Variants in SLC39A14 observed in about 807,000 individuals in gnomAD.
SLC39A14 encodes solute carrier family 39 member 14.
Under a neutral mutation model 45.5 loss-of-function variants are expected in SLC39A14, and 19 were observed. The observed-to-expected ratio is 0.42, with a 90% CI of 0.29 to 0.61. SLC39A14 has a LOEUF of 0.61. SLC39A14 is among the 20% of genes least tolerant of loss of function. The probability of loss-of-function intolerance (pLI) is 0.22; values close to 1 mark genes in which losing one functional copy is unlikely to be tolerated. For synonymous variants in SLC39A14, 264 were observed against 251.3 expected, an observed-to-expected ratio of 1.05 and a Z score of -0.48; for missense variants, 447 against 616.5, an observed-to-expected ratio of 0.73 and a Z score of 2.91.
At chr8:22,396,764 GA>G (rs1463722150) in intron 1 of SLC39A14, among the ~76,000 whole-genome samples, 1 of 151,660 alleles carries the variant, frequency 6.6e-6, no homozygotes, top group East Asian at 1.9e-4. Context: ...AACTGAAGAG[GA>G]AAAAGACTTC....
intron 8 of SLC39A14, among the ~76,000 whole-genome samples, chr8:22,432,585 C>T (rs1159474205): frequency 6.6e-6 from 1 of 151,692 alleles, no homozygotes; most frequent in Non-Finnish European, 1.5e-5. Flanking sequence ...TCCAAGTGAT[C>T]CTCCTACCTC....
At chr8:22,389,477 G>A (rs1328496300) in intron 1 of SLC39A14, among the ~76,000 whole-genome samples, 1 of 152,110 alleles carries the variant, frequency 6.6e-6, no homozygotes, top group African/African-American at 2.4e-5. Flanking sequence ...GGGGTAGGCT[G>A]GGGGCAGGTG....
At chr8:22,392,179 C>T (rs1433688316) in intron 1 of SLC39A14, among the ~76,000 whole-genome samples, 1 of 152,182 alleles carries the variant, frequency 6.6e-6, no homozygotes, top group Non-Finnish European at 1.5e-5. Context: ...GGCAATTGAA[C>T]AGAACCAGAA....
Position 22,428,535 on chromosome 8 carries a change from C to T in SLC39A14, c.1333-5356C>T, listed in dbSNP as rs149210804. Among the ~76,000 whole-genome samples, 477 of 150,972 alleles carry T rather than the reference C, an allele frequency of 3.2e-3. 3 individuals are homozygous for T. Among genetic ancestry groups the T allele is most frequent in the African/African-American group, 0.011 (453 of 41,176 alleles). On this transcript the variant is annotated intron_variant, in intron 8 of 8. Transcript: ENST00000240095. ...TCAGCTCACTGCAACCTCTGCCTCC[C>T]GGGTTCAAGCGATTCTCCTGCCTCA...
rs73227843 is a variant in SLC39A14, at chr8:22,420,411, G to A, written c.*713G>A. 9.9e-3 allele frequency: 9,740 copies of A among 985,418 alleles called. 45 individuals carry two copies. The highest frequency in any genetic ancestry group is 0.011 in the Non-Finnish European group (9,189 of 829,940). 61.0% of individuals were successfully genotyped at this position (985,418 alleles called of 1,614,324 possible). On this transcript the variant is annotated 3_prime_UTR_variant, in exon 9 of 9. Coordinates refer to ENST00000381237, the MANE Select transcript of SLC39A14 (RefSeq NM_001128431.4). Reference sequence around the variant, plus strand: ...TTCACGGCTGTCCGAGTGAGCTAACGTGGCGGTGTGGCTGCCTGGACCTCC... The same window carrying A: ...TTCACGGCTGTCCGAGTGAGCTAACATGGCGGTGTGGCTGCCTGGACCTCC...
chr8:22,383,009 C>G (rs780605684), intron 1 of SLC39A14, among the ~76,000 whole-genome samples: 1 of 152,032 alleles, frequency 6.6e-6, no homozygotes, highest in South Asian at 2.1e-4. Flanking sequence ...TGAGTCACCG[C>G]GGCCGGTGGC....
intron 4 of SLC39A14, among the ~76,000 whole-genome samples, chr8:22,412,549 G>A (rs973672341): frequency 2.0e-5 from 3 of 152,200 alleles, no homozygotes; most frequent in South Asian, 2.1e-4. Context: ...TGCCTGGTGC[G>A]GAAAGTGCTG....
intron 8 of SLC39A14, among the ~76,000 whole-genome samples, chr8:22,419,337 C>T (rs1186595981): frequency 1.3e-5 from 2 of 152,126 alleles, no homozygotes; most frequent in East Asian, 3.9e-4. Context: ...GCCTGCGCCA[C>T]CACGCCCAGC....
rs896376 is a variant in SLC39A14 at position 22,404,629 on chromosome 8, G to A, written c.-15-67G>A. On this transcript the variant is annotated intron_variant, in intron 1 of 8. Coordinates refer to ENST00000381237, the MANE Select transcript of SLC39A14 (RefSeq NM_001128431.4). ...TCTCAACATGTTCAGTGTGTGGCGG[G>A]CGGGCCTGGCGCAGTTGCCGGCACA... The A allele has an allele frequency of 0.2, 299,153 of 1,466,832 alleles. 37,682 individuals are homozygous for A. The highest frequency in any genetic ancestry group is 0.63 in the African/African-American group (44,477 of 70,972). The allele number at this position is 1,466,832 out of a possible 1,614,324, so 90.9% of individuals were successfully genotyped here. A position where few individuals can be genotyped will look rare whatever the true frequency, so the allele number is the denominator to read the frequency against.
In SLC39A14 at chr8:22,367,295, G is replaced by A. The variant is rs1472837579; in HGVS notation, c.-129G>A. ...GTGCCGGGGCCCGGACGCAGTGAGG[G>A]GGGTCGGCGCGCGTGTCTACGCGGA... On this transcript the variant is annotated 5_prime_UTR_variant, in exon 1 of 9. Coordinates refer to ENST00000381237, the MANE Select transcript of SLC39A14 (RefSeq NM_001128431.4). The surrounding 1 kb of genome is among the most constrained non-coding windows in gnomAD (Gnocchi z 4.2). The A allele has an allele frequency of 1.3e-5, 2 of 151,708 alleles. No individual in the cohort carries two copies. Among genetic ancestry groups the A allele is most frequent in the South Asian group, 2.1e-4 (1 of 4,836 alleles). 9.4% of individuals were successfully genotyped at this position (151,708 alleles called of 1,614,324 possible). A position where few individuals can be genotyped will look rare whatever the true frequency, so the allele number is the denominator to read the frequency against.
intron 1 of SLC39A14, among the ~76,000 whole-genome samples, chr8:22,375,041 T>A (rs1232768079): frequency 6.6e-6 from 1 of 151,208 alleles, no homozygotes; most frequent in Non-Finnish European, 1.5e-5. Context: ...CCACCGCGCC[T>A]GGCCAGCCTG....
intron 1 of SLC39A14, among the ~76,000 whole-genome samples, chr8:22,371,314 C>T (rs1405796489): frequency 6.6e-6 from 1 of 151,746 alleles, no homozygotes; most frequent in African/African-American, 2.4e-5. Flanking sequence ...ACATTTATTA[C>T]CGCCGAGTTC....
intron 8 of SLC39A14, among the ~76,000 whole-genome samples, chr8:22,427,835 T>C (rs1836409994): frequency 6.6e-6 from 1 of 152,200 alleles, no homozygotes; most frequent in African/African-American, 2.4e-5. Context: ...GATTTTTCAG[T>C]ATACATGATT....
intron 2 of SLC39A14, among the ~76,000 whole-genome samples, chr8:22,406,452 G>A (rs1835217200): frequency 6.6e-6 from 1 of 152,198 alleles, no homozygotes; most frequent in Non-Finnish European, 1.5e-5. Context: ...CCAGCACTTT[G>A]GGAGGCTGAG....
At chr8:22,424,864 A>C (rs1233609469), downstream of SLC39A14, among the ~76,000 whole-genome samples, 2 of 151,886 alleles carry the variant, frequency 1.3e-5, no homozygotes, top group African/African-American at 4.8e-5. Flanking sequence ...CCCTATCTCT[A>C]CTAAAAATAC....
chr8:22,408,231 G>C, intron 2 of SLC39A14, 79 bp from the exon 3 acceptor site: 2 of 1,274,206 alleles, frequency 1.6e-6, no homozygotes, highest in Non-Finnish European at 2.2e-6. Flanking sequence ...CCTCTGGGAA[G>C]GCTGAGTAGG....
intron 7 of SLC39A14, among the ~76,000 whole-genome samples, chr8:22,416,560 G>T (rs1410981354): frequency 6.6e-6 from 1 of 151,788 alleles, no homozygotes; most frequent in Non-Finnish European, 1.5e-5. Flanking sequence ...AAGTAGCTGG[G>T]ATTACAGACG....
chr8:22,404,809 G>C lies in SLC39A14; in HGVS notation c.99G>C (p.Leu33=). ...RTTPEAHASS[L]GAPAISAASF... ...CCCCTGAGGCTCACGCTTCATCCCT[G>C]GGTGCACCAGCTATCAGCGCTGCCT... The change falls in exon 2 of 9, where the codon CTG becomes CTC. Residue 33 remains leucine, a synonymous_variant. Coordinates refer to ENST00000381237, the MANE Select transcript of SLC39A14 (RefSeq NM_001128431.4). 1 of 1,613,434 alleles carries C rather than the reference G, an allele frequency of 6.2e-7. No homozygotes were observed. The highest frequency in any genetic ancestry group is 8.5e-7 in the Non-Finnish European group (1 of 1,179,478).
downstream of SLC39A14, among the ~76,000 whole-genome samples, chr8:22,426,905 G>A (rs1347249870): frequency 6.6e-6 from 1 of 151,854 alleles, no homozygotes; most frequent in Non-Finnish European, 1.5e-5. Flanking sequence ...GGCTGGTCTT[G>A]AATTCCTGAC....
Sources: allele counts gnomAD v4.1 joint callset (sites outside exome capture counted in the v4.1 genomes callset), GRCh38; gene constraint gnomAD v4.1.1; non-coding constraint Gnocchi (gnomAD v3.1); transcripts MANE v1.5; gene names NCBI Gene and HGNC (gene_info 2026-07-23, HGNC 2026-07-21).